OR3A2: variants seen among roughly 807,000 people sequenced by gnomAD.
OR3A2 encodes olfactory receptor family 3 subfamily A member 2, also known as olfactory receptor 3A2.
For synonymous variants in OR3A2, 126 were observed against 159.3 expected (o/e 0.79, Z 1.57); for missense variants, 318 against 392.8 (o/e 0.81, Z 1.61).
At chr17:3,383,703 T>A (rs568380819) in intron 2 of OR3A2, 2 of 151,382 alleles carry the variant, frequency 1.3e-5, no homozygotes, top group Admixed American at 6.6e-5. Flanking sequence ...GGGCAAGGGG[T>A]GGGGTTGGAA....
intron 1 of OR3A2, among the ~76,000 whole-genome samples, chr17:3,384,888 T>C (rs1415798715): frequency 6.6e-6 from 1 of 151,678 alleles, no homozygotes; most frequent in East Asian, 1.9e-4. Context: ...TATGATTCTT[T>C]ACCAAAAAAA....
At chr17:3,333,838 A>T (rs374486995) in intron 3 of OR3A2, among the ~76,000 whole-genome samples, 1 of 152,160 alleles carries the variant, frequency 6.6e-6, no homozygotes, top group African/African-American at 2.4e-5. Context: ...TGGGAGAAAA[A>T]TTTTCCAGTC....
At chr17:3,355,375 G>T (rs73309803) in intron 2 of OR3A2, among the ~76,000 whole-genome samples, 21,206 of 150,840 alleles carry the variant, frequency 0.14, 2,198 homozygotes, top group African/African-American at 0.25. Flanking sequence ...TGGAAGATCT[G>T]TCCAGCACTG....
chr17:3,385,087 G>A (rs1440499590), intron 1 of OR3A2, among the ~76,000 whole-genome samples: 1 of 152,136 alleles, frequency 6.6e-6, no homozygotes, highest in Non-Finnish European at 1.5e-5. Flanking sequence ...CCAGCTACTC[G>A]GGAGGCTGAG....
At chr17:3,381,626 G>A (rs2049737317) in intron 2 of OR3A2, among the ~76,000 whole-genome samples, 1 of 152,160 alleles carries the variant, frequency 6.6e-6, no homozygotes, top group Non-Finnish European at 1.5e-5. Flanking sequence ...CAAACTGTGA[G>A]GATGGTATTT....
At chr17:3,363,081 A>T (rs231433) in intron 2 of OR3A2, among the ~76,000 whole-genome samples, 1 of 151,036 alleles carries the variant, frequency 6.6e-6, no homozygotes, top group Non-Finnish European at 1.5e-5. Flanking sequence ...GAGGCTGTGA[A>T]GAAGATCTCT....
intron 3 of OR3A2, chr17:3,310,515 T>G (rs901887995): frequency 3.7e-6 from 2 of 535,708 alleles, no homozygotes. Context: ...CCTGGGGAAC[T>G]TGTCCCTGCC....
intron 2 of OR3A2, among the ~76,000 whole-genome samples, chr17:3,372,127 G>C (rs1448048372): frequency 6.7e-6 from 1 of 149,986 alleles, no homozygotes; most frequent in East Asian, 2.1e-4. Flanking sequence ...AGGCAGAGAC[G>C]CTCCTCACCT....
chr17:3,277,794 T>C, exon 2 of OR3A2: 1 of 682,424 alleles, frequency 1.5e-6, no homozygotes, highest in East Asian at 2.6e-5. Flanking sequence ...CTCTAATAAG[T>C]ATTTGTTGAA....
chr17:3,346,424 C>T (rs574353520), intron 2 of OR3A2, among the ~76,000 whole-genome samples: 29 of 152,198 alleles, frequency 1.9e-4, no homozygotes, highest in African/African-American at 6.7e-4. Flanking sequence ...AGGGAATGTT[C>T]CCTGTTTTCC....
rs563778439 is a variant in OR3A2 at position 3,302,437 on chromosome 17, C to G, written c.-84-23284G>C. ...CAGAACACAGCCCTCAGAAATAATA[C>G]CACACATCTACAACCATCTGATCTT... On this transcript the variant is annotated intron_variant, in intron 3 of 4. Coordinates refer to the OR3A2 transcript ENST00000573491. 8.5e-5 allele frequency among the ~76,000 whole-genome samples: 13 copies of G among 152,250 alleles called. No individual in the cohort carries two copies. In the East Asian group the frequency reaches 1.9e-3, roughly 23 times the overall value.
intron 3 of OR3A2, among the ~76,000 whole-genome samples, chr17:3,295,983 A>G (rs191831596): frequency 6.6e-6 from 1 of 152,290 alleles, no homozygotes. Context: ...TTCAGTCCAT[A>G]TAAATTTAAG....
At chr17:3,326,671 T>C (rs1410281383) in intron 3 of OR3A2, among the ~76,000 whole-genome samples, 1 of 149,226 alleles carries the variant, frequency 6.7e-6, no homozygotes, top group Non-Finnish European at 1.5e-5. Flanking sequence ...TCATCTAGTA[T>C]TAGGTATATC....
chr17:3,362,445 C>G (rs1455298415), intron 2 of OR3A2, among the ~76,000 whole-genome samples: 1 of 151,638 alleles, frequency 6.6e-6, no homozygotes, highest in East Asian at 1.9e-4. Flanking sequence ...TTAGTTATTT[C>G]TTGCCTTCTG....
intron 2 of OR3A2, among the ~76,000 whole-genome samples, chr17:3,355,428 TTC>T (rs3037631): frequency 0.29 from 39,972 of 139,274 alleles, 6,488 homozygotes; most frequent in Non-Finnish European, 0.38. Flanking sequence ...ATGTTGGCAT[TTC>T]TCTCTCTCTC....
chr17:3,377,553 G>T (rs928081903), intron 2 of OR3A2: 1 of 152,110 alleles, frequency 6.6e-6, no homozygotes, highest in East Asian at 1.9e-4. Context: ...TTTGTTCCTC[G>T]GGCTTTAGAT....
chr17:3,375,268 C>T, intron 2 of OR3A2, among the ~76,000 whole-genome samples: 1 of 109,278 alleles, frequency 9.2e-6, no homozygotes, highest in Non-Finnish European at 1.9e-5. Context: ...GAGATAGTCT[C>T]ACTTGGTCAC....
At chr17:3,369,544 T>C (rs557899098) in intron 2 of OR3A2, among the ~76,000 whole-genome samples, 11 of 152,224 alleles carry the variant, frequency 7.2e-5, no homozygotes, top group African/African-American at 2.7e-4. Flanking sequence ...TATTGACTTA[T>C]GTATGTTAAA....
In OR3A2 at chr17:3,311,244, G is replaced by T. The variant is rs777674323; in HGVS notation, c.-85+24789C>A. Reference sequence around the variant, plus strand: ...CAGTCACTGTTCCTCCGATGCTGGCGTGTCTCCAGGCCCACCAGTGCAGAG... The same window carrying T: ...CAGTCACTGTTCCTCCGATGCTGGCTTGTCTCCAGGCCCACCAGTGCAGAG... On this transcript the variant is annotated intron_variant, in intron 3 of 4. Coordinates refer to the OR3A2 transcript ENST00000573491. This position sits in a 1 kb window ranked among gnomAD's most constrained non-coding sequence, Gnocchi z 4.6. 1 of 535,658 alleles carries T rather than the reference G, an allele frequency of 1.9e-6. No individual in the cohort carries two copies. Among genetic ancestry groups the T allele is most frequent in the South Asian group, 1.4e-5 (1 of 71,610 alleles). The allele number at this position is 535,658 out of a possible 1,614,324, so 33.2% of individuals were successfully genotyped here.
Sources: gnomAD v4.1 joint callset for allele counts (sites outside exome capture counted in the v4.1 genomes callset) on GRCh38, gnomAD v4.1.1 for gene constraint, Gnocchi (gnomAD v3.1) non-coding constraint, MANE v1.5 for transcripts, NCBI Gene and HGNC (gene_info 2026-07-23, HGNC 2026-07-21) for gene names.